Variants in TSBP1 observed in about 807,000 individuals in gnomAD.
TSBP1 encodes testis-expressed basic protein 1.
Under a neutral mutation model 68.8 loss-of-function variants are expected in TSBP1, and 56 were observed. The observed-to-expected ratio is 0.81, with a 90% CI of 0.66 to 1.02. The LOEUF (loss-of-function observed/expected upper bound fraction) is 1.02. Among genes scored for constraint, TSBP1 ranks in the 50% least tolerant of loss-of-function variants. The pLI, the probability that TSBP1 is intolerant of heterozygous loss-of-function variation, is 0.00. For synonymous variants in TSBP1, 171 were observed against 208.7 expected, an observed-to-expected ratio of 0.82 and a Z score of 1.56; for missense variants, 502 against 641.2, an observed-to-expected ratio of 0.78 and a Z score of 2.34.
At position 32,325,207 on chromosome 6, in the gene TSBP1, C is replaced by T; in HGVS notation, c.515-1593G>A. The T allele has an allele frequency of 1.6e-6, 1 of 641,972 alleles. No individual in the cohort carries two copies. The highest frequency in any genetic ancestry group is 2.7e-6 in the Non-Finnish European group (1 of 369,954). The allele number at this position is 641,972 out of a possible 1,614,324, so 39.8% of individuals were successfully genotyped here. On this transcript the variant is annotated intron_variant, in intron 16 of 22. Coordinates refer to ENST00000612031, the Ensembl canonical transcript of TSBP1. The surrounding 1 kb of genome is among the most constrained non-coding windows in gnomAD (Gnocchi z 4.4). ...AAGAAGCATCATTAAAGTCTCTCTT[C>T]TCCTGGCCGTCTTATCTAAGTCAGA... is the stretch of plus-strand genomic sequence containing the variant.
rs190873420 is a variant in TSBP1, at chr6:32,315,204, C to T, written c.580+568G>A. On this transcript the variant is annotated intron_variant, in intron 19 of 22. Coordinates refer to ENST00000612031, the Ensembl canonical transcript of TSBP1. This position sits in a 1 kb window ranked among gnomAD's most constrained non-coding sequence, Gnocchi z 5.4. Reference sequence around the variant, plus strand: ...CTATATTAAATATCATCATGGTCAACGCTTGATCTGGTTTAAAAATTGAGT... The same window carrying T: ...CTATATTAAATATCATCATGGTCAATGCTTGATCTGGTTTAAAAATTGAGT... 1.3e-3 allele frequency among the ~76,000 whole-genome samples: 191 copies of T among 152,182 alleles called. No homozygotes were observed. Among genetic ancestry groups the T allele is most frequent in the African/African-American group, 4.4e-3 (183 of 41,512 alleles).
exon 23 of TSBP1, chr6:32,293,072 C>G (rs1355126642): frequency 6.2e-7 from 1 of 1,612,238 alleles, no homozygotes; most frequent in South Asian, 1.1e-5. Context: ...TTCTGATTCT[C>G]TCTTTCCTTT....
At chr6:32,318,137 T>C (rs562745004) in intron 18 of TSBP1, among the ~76,000 whole-genome samples, 3 of 152,312 alleles carry the variant, frequency 2.0e-5, no homozygotes, top group East Asian at 1.9e-4. Flanking sequence ...AACAAGATCA[T>C]GTCCTTTGCA....
At chr6:32,349,838 C>A in intron 8 of TSBP1, 78 bp from the exon 9 acceptor site, 1 of 1,537,920 alleles carries the variant, frequency 6.5e-7, no homozygotes, top group Non-Finnish European at 9.0e-7. Context: ...CACTATATTG[C>A]AGAAAGGTTG....
chr6:32,312,248 A>G (rs998340678), intron 19 of TSBP1, among the ~76,000 whole-genome samples: 7 of 152,216 alleles, frequency 4.6e-5, no homozygotes, highest in African/African-American at 1.7e-4. Flanking sequence ...AAAAGAACCT[A>G]CAACTAACAG....
intron 18 of TSBP1, among the ~76,000 whole-genome samples, chr6:32,319,875 T>C (rs1446407610): frequency 6.6e-6 from 1 of 152,084 alleles, no homozygotes; most frequent in African/African-American, 2.4e-5. Context: ...TAGGCCAATA[T>C]ATATTTGTTG....
At chr6:32,301,959 AATC>A (rs201248872) in intron 20 of TSBP1, among the ~76,000 whole-genome samples, 9 of 73,776 alleles carry the variant, frequency 1.2e-4, no homozygotes, top group Admixed American at 4.0e-4. Flanking sequence ...AAATAGTTGA[AATC>A]ATCATCATAA....
chr6:32,325,570 A>C lies in TSBP1; in HGVS notation c.515-1956T>G. 6.8e-6 allele frequency: 6 copies of C among 876,648 alleles called. No homozygotes were observed. The South Asian group carries it at 7.8e-5, about 11-fold the overall frequency. The allele number at this position is 876,648 out of a possible 1,614,324, so 54.3% of individuals were successfully genotyped here. A position where few individuals can be genotyped will look rare whatever the true frequency, so the allele number is the denominator to read the frequency against. Reference sequence around the variant, plus strand: ...GGTGGCATTAAAGAAGACACTGAAGAAATCACCTAAGAAATTATTTTGAGT... The same window carrying C: ...GGTGGCATTAAAGAAGACACTGAAGCAATCACCTAAGAAATTATTTTGAGT... On this transcript the variant is annotated intron_variant, in intron 16 of 22. Transcript: ENST00000612031. The surrounding 1 kb of genome is among the most constrained non-coding windows in gnomAD (Gnocchi z 4.4).
At chr6:32,295,782 G>A (rs1483526422) in intron 22 of TSBP1, among the ~76,000 whole-genome samples, 2 of 151,650 alleles carry the variant, frequency 1.3e-5, no homozygotes, top group Non-Finnish European at 2.9e-5. Flanking sequence ...TCAAGACAAG[G>A]CATTCTTAGT....
chr6:32,360,477 C>G (rs1034412909), intron 6 of TSBP1, among the ~76,000 whole-genome samples: 1 of 151,908 alleles, frequency 6.6e-6, no homozygotes, highest in African/African-American at 2.4e-5. Flanking sequence ...TCCTCTATCC[C>G]GGGTATTGTA....
At chr6:32,295,264 A>C (rs1389440826) in intron 22 of TSBP1, among the ~76,000 whole-genome samples, 1 of 142,648 alleles carries the variant, frequency 7.0e-6, no homozygotes, top group African/African-American at 2.5e-5. Flanking sequence ...TGAACCCGGG[A>C]GGCAGGGGTT....
intron 15 of TSBP1, among the ~76,000 whole-genome samples, chr6:32,330,820 G>A (rs1361531236): frequency 2.7e-5 from 4 of 150,400 alleles, no homozygotes; most frequent in Non-Finnish European, 4.4e-5. Context: ...ACAGGTGCCC[G>A]CCACCATGCC....
Position 32,325,248 on chromosome 6 carries a change from A to G in TSBP1, c.515-1634T>C, listed in dbSNP as rs192642006. 8.3e-4 allele frequency: 908 copies of G among 1,095,536 alleles called. 4 individuals are homozygous for G. In the African/African-American group the frequency reaches 0.012, roughly 14 times the overall value. 67.9% of individuals were successfully genotyped at this position (1,095,536 alleles called of 1,614,324 possible). On this transcript the variant is annotated intron_variant, in intron 16 of 22. Coordinates refer to ENST00000612031, the Ensembl canonical transcript of TSBP1. This position sits in a 1 kb window ranked among gnomAD's most constrained non-coding sequence, Gnocchi z 4.4. Reference sequence around the variant, plus strand: ...CTAAGTCAGAGTCTCCTAAAGAGCCAGAACAACTGAGGAAGCTCTTCATTG... The same window carrying G: ...CTAAGTCAGAGTCTCCTAAAGAGCCGGAACAACTGAGGAAGCTCTTCATTG...
chr6:32,312,961 A>G (rs1766558996), intron 19 of TSBP1, among the ~76,000 whole-genome samples: 1 of 152,156 alleles, frequency 6.6e-6, no homozygotes, highest in Non-Finnish European at 1.5e-5. Flanking sequence ...TTAAAATTAT[A>G]AAGTAGACCC....
At chr6:32,297,276 T>C (rs1186267045) in intron 22 of TSBP1, among the ~76,000 whole-genome samples, 1 of 152,214 alleles carries the variant, frequency 6.6e-6, no homozygotes. Context: ...AGTACATTTA[T>C]TGCAGGCAGT....
At position 32,324,488 on chromosome 6, in the gene TSBP1, A is replaced by T. The variant is rs1417027021; in HGVS notation, c.515-874T>A. On this transcript the variant is annotated intron_variant, in intron 16 of 22. Transcript: ENST00000612031. ...GGGGATTGTAAATTGATAGTCTTAAAACTTTCCAGTACATCATGAATAATG... is the reference window on the plus strand; with the variant it reads ...GGGGATTGTAAATTGATAGTCTTAATACTTTCCAGTACATCATGAATAATG... 5.6e-6 allele frequency: 5 copies of T among 886,534 alleles called. No individual in the cohort carries two copies. In the South Asian group the frequency reaches 7.2e-5, roughly 13 times the overall value. 54.9% of individuals were successfully genotyped at this position (886,534 alleles called of 1,614,324 possible).
chr6:32,342,026 T>G (rs992909967), intron 9 of TSBP1, among the ~76,000 whole-genome samples: 1 of 149,036 alleles, frequency 6.7e-6, no homozygotes, highest in Admixed American at 6.9e-5. Flanking sequence ...TGTCACAGTC[T>G]TCCCTTCATT....
chr6:32,368,281 T>A (rs1773995375), intron 3 of TSBP1, among the ~76,000 whole-genome samples: 1 of 152,222 alleles, frequency 6.6e-6, no homozygotes, highest in Admixed American at 6.5e-5. Context: ...CTTAACAACT[T>A]TGGCATCTCT....
chr6:32,296,398 T>C (rs1764729257), intron 22 of TSBP1, among the ~76,000 whole-genome samples: 1 of 152,232 alleles, frequency 6.6e-6, no homozygotes, highest in South Asian at 2.1e-4. Flanking sequence ...TAATGTTTTC[T>C]GAACCTTTTT....
Sources: gnomAD v4.1 joint callset for allele counts (sites outside exome capture counted in the v4.1 genomes callset) on GRCh38, gnomAD v4.1.1 for gene constraint, Gnocchi (gnomAD v3.1) non-coding constraint, MANE v1.5 for transcripts, NCBI Gene and HGNC (gene_info 2026-07-23, HGNC 2026-07-21) for gene names.